The following WDR93 variants were observed in gnomAD, a reference collection of about 807,000 sequenced individuals.
The protein encoded by WDR93 is WD repeat-containing protein 93.
A neutral mutation model predicts 82.9 loss-of-function variants in WDR93; 73 were observed. That is an observed-to-expected ratio of 0.88 (90% CI 0.73 to 1.07). WDR93 has a LOEUF of 1.07. Ranked by LOEUF, WDR93 falls within the 50% of genes least tolerant of loss-of-function variation. WDR93 has a pLI of 0.00. For synonymous variants in WDR93, 283 were observed against 300.1 expected (o/e 0.94, Z 0.59); for missense variants, 738 against 826.0 (o/e 0.89, Z 1.31).
At chr15:89,705,533 T>C (rs1235214498) in intron 3 of WDR93, 21 bp from the exon 4 acceptor site, 2 of 1,371,540 alleles carry the variant, frequency 1.5e-6, no homozygotes, top group Admixed American at 1.7e-5. Context: ...CTTAACATTC[T>C]CACTTATTTT....
At chr15:89,737,923 C>T in intron 15 of WDR93, 118 bp from the exon 16 acceptor site, 1 of 1,340,636 alleles carries the variant, frequency 7.5e-7, no homozygotes. Flanking sequence ...AGTCACAGCT[C>T]AACCCAGATG....
chr15:89,732,733 T>C (rs2141696306), intron 12 of WDR93, among the ~76,000 whole-genome samples: 1 of 152,226 alleles, frequency 6.6e-6, no homozygotes, highest in South Asian at 2.1e-4. Context: ...GGGTTGTAGC[T>C]TCCTTCCACT....
rs775168673 is a variant in WDR93, at chr15:89,738,084, C to T, written c.1809C>T (p.Ile603=). The T allele has an allele frequency of 6.2e-7, 1 of 1,613,800 alleles. No individual in the cohort carries two copies. Among genetic ancestry groups the T allele is most frequent in the South Asian group, 1.1e-5 (1 of 91,012 alleles). The stretch of plus-strand genomic sequence containing the variant: ...CTGCGTCCACCGACGATGCTGGAAT[C>T]CAATATTCTGTTTTCTATTTTAATT... The part of the protein sequence containing the change: ...HETASTDDAG[I]QYSVFYFNFE... Residue 603 remains isoleucine (I), a synonymous_variant, in exon 16 of 17, where the codon ATC becomes ATT. Coordinates refer to ENST00000268130, the MANE Select transcript of WDR93 (RefSeq NM_020212.2).
intron 16 of WDR93, among the ~76,000 whole-genome samples, chr15:89,741,139 C>CAA (rs141800796): frequency 2.0e-5 from 3 of 150,986 alleles, no homozygotes; most frequent in South Asian, 2.1e-4. Context: ...GAATCTGTCT[C>CAA]AAAAAAAATA....
At position 89,701,806 on chromosome 15, in the gene WDR93, G is replaced by A; in HGVS notation, c.60G>A (p.Lys20=). ...TAAAGCACCCCATTGGTACACGAAA[G>A]GGACCATTGGAGGTGCCACCCCCAA... ...QKIKHPIGTR[K]GPLEVPPPTE... is the part of the protein sequence containing the mutation. The change falls in exon 2 of 17, where the codon AAG becomes AAA. Residue 20 remains lysine (K), a synonymous_variant. Coordinates refer to ENST00000268130, the MANE Select transcript of WDR93 (RefSeq NM_020212.2). 2.5e-6 allele frequency: 4 copies of A among 1,614,138 alleles called. No individual in the cohort carries two copies. Among genetic ancestry groups the A allele is most frequent in the Non-Finnish European group, 3.4e-6 (4 of 1,180,030 alleles).
chr15:89,723,588 A>AATAGAAATATAGATGAAAT (rs1966614447), intron 8 of WDR93, among the ~76,000 whole-genome samples: 1 of 152,248 alleles, frequency 6.6e-6, no homozygotes, highest in Non-Finnish European at 1.5e-5. Flanking sequence ...ATAAGTGAAT[A>AATAGAAATATAGATGAAAT]ATAGAAATAT....
At chr15:89,711,870 G>A (rs1195056802) in intron 4 of WDR93, among the ~76,000 whole-genome samples, 156 bp from the exon 5 acceptor site, 2 of 152,188 alleles carry the variant, frequency 1.3e-5, no homozygotes, top group South Asian at 2.1e-4. Flanking sequence ...TCCAATTCTT[G>A]TACAAAAATG....
chr15:89,692,090 C>T (rs1027222558), intron 1 of WDR93, among the ~76,000 whole-genome samples: 7 of 152,146 alleles, frequency 4.6e-5, no homozygotes, highest in Non-Finnish European at 1.0e-4. Flanking sequence ...TGCCAGGAGC[C>T]TTGTATACCA....
intron 7 of WDR93, chr15:89,719,713 C>T (rs540261942): frequency 6.6e-6 from 1 of 152,172 alleles, no homozygotes; most frequent in African/African-American, 2.4e-5. Context: ...TTCTATCTCA[C>T]TGATTTCCAG....
intron 8 of WDR93, among the ~76,000 whole-genome samples, chr15:89,725,331 A>G (rs1966690464): frequency 6.6e-6 from 1 of 152,214 alleles, no homozygotes; most frequent in South Asian, 2.1e-4. Context: ...GGACAGCCAT[A>G]GAGTTAATAC....
At chr15:89,737,255 A>G in intron 14 of WDR93, among the ~76,000 whole-genome samples, 1 of 152,188 alleles carries the variant, frequency 6.6e-6, no homozygotes, top group East Asian at 1.9e-4. Context: ...CACAGGTGAG[A>G]AATGGAATCT....
intron 16 of WDR93, among the ~76,000 whole-genome samples, chr15:89,740,484 GA>G (rs909859641): frequency 7.9e-5 from 12 of 152,114 alleles, no homozygotes; most frequent in African/African-American, 2.7e-4. Flanking sequence ...TCTTCACAGG[GA>G]GGGTTTTTGT....
At chr15:89,716,809 A>T in intron 6 of WDR93, 102 bp from the exon 7 acceptor site, 1 of 841,562 alleles carries the variant, frequency 1.2e-6, no homozygotes, top group Non-Finnish European at 1.9e-6. Context: ...GAATTCACTC[A>T]CAAGAGTAAT....
chr15:89,690,825 G>A lies in WDR93; in HGVS notation c.-73G>A. 1.8e-6 allele frequency: 1 copy of A among 559,858 alleles called. No individual in the cohort carries two copies. The highest frequency in any genetic ancestry group is 3.1e-5 in the East Asian group (1 of 32,142). The allele number at this position is 559,858 out of a possible 1,614,324, so 34.7% of individuals were successfully genotyped here. ...ACTTCCGGTTCAAGCCGGAAGTTGT[G>A]GTTACCAAGGCGACGCAACGCCGCC... On this transcript the variant is annotated 5_prime_UTR_variant, in exon 1 of 17. Transcript: ENST00000268130.
rs1967091349 is a variant in WDR93 at position 89,735,479 on chromosome 15, C to T, written c.1545-11C>T. The stretch of plus-strand genomic sequence containing the variant: ...AAGTAGGAGAATGTCTGTATATTTT[C>T]TGTCCTATAGGCCTGTAAAGCACCT... On this transcript the variant is annotated splice_polypyrimidine_tract_variant and intron_variant, in intron 13 of 16. Coordinates refer to ENST00000268130, the MANE Select transcript of WDR93 (RefSeq NM_020212.2). 2 of 1,613,624 alleles carry T rather than the reference C, an allele frequency of 1.2e-6. No individual in the cohort carries two copies. Among genetic ancestry groups the T allele is most frequent in the Admixed American group, 1.7e-5 (1 of 59,988 alleles).
At chr15:89,699,424 C>A (rs1364177468) in intron 1 of WDR93, among the ~76,000 whole-genome samples, 1 of 49,052 alleles carries the variant, frequency 2.0e-5, no homozygotes, top group African/African-American at 9.7e-5. Flanking sequence ...GGATGCCTTT[C>A]TTCTTCTGGC....
chr15:89,735,611 T>C, intron 14 of WDR93, 58 bp downstream of exon 14: 1 of 1,532,206 alleles, frequency 6.5e-7, no homozygotes, highest in Non-Finnish European at 9.0e-7. Context: ...CTTCTGTGAA[T>C]GTGTTCATCT....
intron 14 of WDR93, 82 bp from the exon 15 acceptor site, chr15:89,737,491 T>C: frequency 6.4e-7 from 1 of 1,561,158 alleles, no homozygotes; most frequent in South Asian, 1.2e-5. Flanking sequence ...CTCTCATTCC[T>C]TACTGGGGTG....
intron 5 of WDR93, 72 bp downstream of exon 5, chr15:89,712,176 C>T: frequency 8.4e-7 from 1 of 1,192,762 alleles, no homozygotes; most frequent in Non-Finnish European, 1.2e-6. Flanking sequence ...TTGCTTTTGT[C>T]CCTCCAAACC....
Sources: gnomAD v4.1 joint callset for allele counts (sites outside exome capture counted in the v4.1 genomes callset) on GRCh38, gnomAD v4.1.1 for gene constraint, MANE v1.5 for transcripts, NCBI Gene and HGNC (gene_info 2026-07-23, HGNC 2026-07-21) for gene names.